The following OSMR variants were observed in gnomAD, a reference collection of about 807,000 sequenced individuals.
OSMR encodes the protein oncostatin M receptor.
OSMR carries 81 observed loss-of-function variants against 99.9 expected under a neutral mutation model. That is an observed-to-expected ratio of 0.81 (90% CI 0.68 to 0.97). The LOEUF is 0.97. Ranked by LOEUF, OSMR falls within the 50% of genes least tolerant of loss-of-function variation. The pLI, the probability that OSMR is intolerant of heterozygous loss-of-function variation, is 0.00. For synonymous variants in OSMR, 406 were observed against 410.4 expected, an observed-to-expected ratio of 0.99 and a Z score of 0.13; for missense variants, 1,099 against 1,153.4, an observed-to-expected ratio of 0.95 and a Z score of 0.68.
intron 11 of OSMR, among the ~76,000 whole-genome samples, chr5:38,920,305 G>T (rs571059619): frequency 6.6e-6 from 1 of 152,154 alleles, no homozygotes; most frequent in African/African-American, 2.4e-5. Flanking sequence ...AACCAGTAAG[G>T]TTAAGCCAGT....
intron 1 of OSMR, among the ~76,000 whole-genome samples, chr5:38,851,850 G>A (rs1214922991): frequency 1.3e-5 from 2 of 152,074 alleles, no homozygotes; most frequent in Non-Finnish European, 2.9e-5. Context: ...TGTTCTCGTG[G>A]TAGAGAATAA....
At chr5:38,880,670 C>T (rs776839043) in intron 3 of OSMR, among the ~76,000 whole-genome samples, 1 of 152,172 alleles carries the variant, frequency 6.6e-6, no homozygotes, top group Non-Finnish European at 1.5e-5. Context: ...AAAGACATTG[C>T]CTGAGCAAAG....
intron 7 of OSMR, among the ~76,000 whole-genome samples, chr5:38,899,885 G>T (rs1045681726): frequency 1.3e-5 from 2 of 152,134 alleles, no homozygotes; most frequent in African/African-American, 4.8e-5. Flanking sequence ...TGGAGCAGGG[G>T]TGGCACAAAC....
Position 38,848,807 on chromosome 5 carries a change from T to A in OSMR, c.-14+2420T>A, listed in dbSNP as rs569519696. On this transcript the variant is annotated intron_variant, in intron 1 of 17. Transcript: ENST00000274276. ...TTGTGTGTGTGTGAGATGGTCTCAC[T>A]CTGTCACACAGGCAGAAGTGCAGTG... 2.6e-5 allele frequency among the ~76,000 whole-genome samples: 4 copies of A among 152,314 alleles called. No homozygotes were observed. In the East Asian group the frequency reaches 7.7e-4, roughly 29 times the overall value.
intron 1 of OSMR, among the ~76,000 whole-genome samples, chr5:38,848,675 T>C (rs539649469): frequency 1.1e-3 from 160 of 152,346 alleles, no homozygotes; most frequent in Non-Finnish European, 3.2e-4. Flanking sequence ...ATATGCAAAT[T>C]ATCTTACTAT....
At chr5:38,904,173 A>G in intron 8 of OSMR, 149 bp downstream of exon 8, 2 of 1,525,482 alleles carry the variant, frequency 1.3e-6, no homozygotes, top group Non-Finnish European at 1.8e-6. Flanking sequence ...GAAATTAATC[A>G]TACACTTTTA....
At chr5:38,875,463 A>T (rs1742742477) in intron 2 of OSMR, among the ~76,000 whole-genome samples, 1 of 152,194 alleles carries the variant, frequency 6.6e-6, no homozygotes, top group Non-Finnish European at 1.5e-5. Context: ...AGCCTAAGAG[A>T]TAGGCTGCTG....
chr5:38,933,242 C>A lies in OSMR; in HGVS notation c.2738C>A (p.Thr913Lys), dbSNP rs1746862923. Residue 913 changes from threonine to lysine, a missense_variant, in exon 18 of 18, where the codon ACA (threonine) becomes AAA (lysine). Physicochemically the swap from Thr to Lys is moderately conservative, Grantham distance 78 (BLOSUM62 -1). Coordinates refer to ENST00000274276, the MANE Select transcript of OSMR (RefSeq NM_003999.3). ...NSLGEIPAGE[T>K]SLNYVSQLAS... The stretch of plus-strand genomic sequence containing the variant: ...CTGGGAGAAATCCCAGCTGGAGAAA[C>A]AAGTTTGAATTATGTGTCCCAGTTG... The A allele has an allele frequency of 1.2e-6, 2 of 1,614,022 alleles. No homozygotes were observed. Among genetic ancestry groups the A allele is most frequent in the Non-Finnish European group, 1.7e-6 (2 of 1,180,018 alleles).
At chr5:38,905,797 C>G (rs549901320) in intron 9 of OSMR, among the ~76,000 whole-genome samples, 2 of 152,142 alleles carry the variant, frequency 1.3e-5, no homozygotes, top group Non-Finnish European at 2.9e-5. Context: ...CAAGTCCTGG[C>G]TATTTTAGTG....
chr5:38,876,367 C>T lies in OSMR; in HGVS notation c.240C>T (p.Ile80=). ...GTAGGATTGAAACATCCAATGTCATCTGGGTGGTAAGTAATTTTTTTGGCT... is the reference window on the plus strand; with the variant it reads ...GTAGGATTGAAACATCCAATGTCATTTGGGTGGTAAGTAATTTTTTTGGCT... ...QISRIETSNV[I]WVGNYSTTVK... is the part of the protein sequence containing the mutation. Residue 80 remains isoleucine (I), a synonymous_variant, in exon 3 of 18, where the codon ATC becomes ATT. Coordinates refer to ENST00000274276, the MANE Select transcript of OSMR (RefSeq NM_003999.3). The T allele has an allele frequency of 2.5e-6, 4 of 1,612,370 alleles. No individual in the cohort carries two copies. Among genetic ancestry groups the T allele is most frequent in the Non-Finnish European group, 3.4e-6 (4 of 1,178,874 alleles).
intron 1 of OSMR, chr5:38,942,804 T>C: frequency 1.3e-6 from 2 of 1,514,468 alleles, no homozygotes; most frequent in Non-Finnish European, 1.8e-6. Context: ...TCTTGGAAGA[T>C]AAATTTGAGA....
chr5:38,925,062 A>T, intron 14 of OSMR, 142 bp from the exon 15 acceptor site: 1 of 1,495,586 alleles, frequency 6.7e-7, no homozygotes, highest in Non-Finnish European at 8.9e-7. Context: ...TGAAATTATG[A>T]TTTGATTTTT....
chr5:38,876,296 C>T lies in OSMR; in HGVS notation c.169C>T (p.Leu57Phe). Residue 57 changes from leucine (L) to phenylalanine (F), a missense_variant, in exon 3 of 18, where the codon CTT becomes TTT. Physicochemically the swap from Leu to Phe is conservative, Grantham distance 22. Transcript: ENST00000274276. The part of the protein sequence containing the change: ...SLHLQWTVHN[L>F]PYHQELKMVF... ...GCACTTACAATGGACTGTCCACAAC[C>T]TTCCTTATCATCAGGAATTGAAAAT... The T allele has an allele frequency of 6.2e-7, 1 of 1,612,688 alleles. No homozygotes were observed. The highest frequency in any genetic ancestry group is 8.5e-7 in the Non-Finnish European group (1 of 1,178,812).
Position 38,932,884 on chromosome 5 carries a change from CTAA to C in OSMR, c.2388_2390del (p.Ile796del), listed in dbSNP as rs1746827421. On this transcript the variant is annotated inframe_deletion, in exon 18 of 18. Transcript: ENST00000274276. ...GTTTCCTTTCTAGGAGAACCCTCAC[CTAA>C]TAATAATGAATGTCAGTGACTGTAT... is the stretch of plus-strand genomic sequence containing the variant. The C allele has an allele frequency of 6.2e-6, 10 of 1,613,862 alleles. No homozygotes were observed. Among genetic ancestry groups the C allele is most frequent in the Non-Finnish European group, 7.6e-6 (9 of 1,179,802 alleles).
At chr5:38,890,243 A>G (rs1043298824) in intron 7 of OSMR, among the ~76,000 whole-genome samples, 1 of 152,210 alleles carries the variant, frequency 6.6e-6, no homozygotes, top group African/African-American at 2.4e-5. Flanking sequence ...GTAGAAGTGC[A>G]GAATCGCAGG....
chr5:38,907,990 C>G (rs553928107), intron 9 of OSMR, among the ~76,000 whole-genome samples: 13 of 152,282 alleles, frequency 8.5e-5, no homozygotes, highest in Non-Finnish European at 1.6e-4. Flanking sequence ...CAGCCCCACC[C>G]CCACTCCTGC....
intron 7 of OSMR, among the ~76,000 whole-genome samples, chr5:38,890,141 T>G (rs779751633): frequency 1.3e-5 from 2 of 152,250 alleles, no homozygotes; most frequent in African/African-American, 2.4e-5. Flanking sequence ...TGATACGTGT[T>G]CATTGAAATT....
At chr5:38,910,756 A>C (rs1190301383) in intron 9 of OSMR, among the ~76,000 whole-genome samples, 1 of 152,230 alleles carries the variant, frequency 6.6e-6, no homozygotes, top group African/African-American at 2.4e-5. Context: ...CACACCTGTA[A>C]TCCCAGCACT....
At position 38,933,546 on chromosome 5, in the gene OSMR, T is replaced by C; in HGVS notation, c.*102T>C. The stretch of plus-strand genomic sequence containing the variant: ...CCTTGGTCCTTAATCCCAGTACGAT[T>C]TGCAGGTCTGGTTTATATAAGACCA... On this transcript the variant is annotated 3_prime_UTR_variant, in exon 18 of 18. Coordinates refer to ENST00000274276, the MANE Select transcript of OSMR (RefSeq NM_003999.3). 3 of 1,322,546 alleles carry C rather than the reference T, an allele frequency of 2.3e-6. No homozygotes were observed. Among genetic ancestry groups the C allele is most frequent in the Non-Finnish European group, 3.2e-6 (3 of 928,978 alleles). The allele number at this position is 1,322,546 out of a possible 1,614,324, so 81.9% of individuals were successfully genotyped here.
Sources: gnomAD v4.1 joint callset for allele counts (sites outside exome capture counted in the v4.1 genomes callset) on GRCh38, gnomAD v4.1.1 for gene constraint, MANE v1.5 for transcripts, NCBI Gene and HGNC (gene_info 2026-07-23, HGNC 2026-07-21) for gene names.